Variants in NEGR1 observed in about 807,000 individuals in gnomAD.
NEGR1 encodes the protein IgLON family member 4.
In NEGR1, 10 loss-of-function variants were observed where a neutral mutation model predicts 40.9. That is an observed-to-expected ratio of 0.24 (90% confidence interval 0.15 to 0.42). The LOEUF (loss-of-function observed/expected upper bound fraction) is 0.42. Ranked by LOEUF, NEGR1 falls within the 10% of genes least tolerant of loss-of-function variation. The probability of loss-of-function intolerance (pLI) is 1.00; values close to 1 mark genes in which losing one functional copy is unlikely to be tolerated. For synonymous variants in NEGR1, 185 were observed against 166.8 expected (o/e 1.11, Z -0.84); for missense variants, 352 against 438.9 (o/e 0.80, Z 1.77).
chr1:71,810,565 A>G (rs1039866239), intron 2 of NEGR1, among the ~76,000 whole-genome samples: 31 of 152,118 alleles, frequency 2.0e-4, no homozygotes, highest in African/African-American at 7.0e-4. Context: ...AAATTTATTG[A>G]TATGGTTTGG....
intron 2 of NEGR1, among the ~76,000 whole-genome samples, chr1:71,800,338 G>A (rs1047174766): frequency 2.0e-5 from 3 of 152,082 alleles, no homozygotes; most frequent in South Asian, 2.1e-4. Flanking sequence ...CTGTACAGAA[G>A]CTCTTTAGTT....
chr1:72,065,624 G>A (rs1647253391), intron 1 of NEGR1, among the ~76,000 whole-genome samples: 1 of 152,076 alleles, frequency 6.6e-6, no homozygotes. Flanking sequence ...CCACTGTTCT[G>A]TTAAGGTTGA....
intron 3 of NEGR1, among the ~76,000 whole-genome samples, chr1:71,774,021 AC>A: frequency 6.6e-6 from 1 of 152,330 alleles, no homozygotes; most frequent in Middle Eastern, 3.4e-3. Context: ...AAATTATATT[AC>A]CATATCAGAT....
chr1:72,139,432 C>A (rs1054576812), intron 1 of NEGR1, among the ~76,000 whole-genome samples: 1 of 151,750 alleles, frequency 6.6e-6, no homozygotes. Context: ...AATATTTGAT[C>A]ATTATCAAGA....
chr1:72,232,218 G>T (rs148713613), intron 1 of NEGR1, among the ~76,000 whole-genome samples: 1 of 151,870 alleles, frequency 6.6e-6, no homozygotes, highest in Non-Finnish European at 1.5e-5. Context: ...TTATCTGGGC[G>T]TGGTGGTGCG....
chr1:72,137,320 C>T (rs1650504063), intron 1 of NEGR1, among the ~76,000 whole-genome samples: 1 of 151,970 alleles, frequency 6.6e-6, no homozygotes, highest in Non-Finnish European at 1.5e-5. Context: ...GCACTGTTCA[C>T]AATAGAAAAG....
chr1:71,672,859 A>G lies in NEGR1; in HGVS notation c.667+25149T>C, dbSNP rs1383023001. Reference sequence around the variant, plus strand: ...TGAGAGTATGTTAAATTGGGAATTAATGGAATCCAGCACACAACACCTAAC... The same window carrying G: ...TGAGAGTATGTTAAATTGGGAATTAGTGGAATCCAGCACACAACACCTAAC... On this transcript the variant is annotated intron_variant, in intron 4 of 6. Transcript: ENST00000357731. Among the ~76,000 whole-genome samples, 3 of 152,322 alleles carry G rather than the reference A, an allele frequency of 2.0e-5. No individual in the cohort carries two copies. The East Asian group carries it at 5.8e-4, about 29-fold the overall frequency.
rs1401444751 is a variant in NEGR1, at chr1:71,917,767, G to A, written c.409+17312C>T. Among the ~76,000 whole-genome samples the A allele has an allele frequency of 6.5e-5, 9 of 138,724 alleles. No individual in the cohort carries two copies. The Admixed American group carries it at 6.6e-4, about 10-fold the overall frequency. The allele number at this position is 138,724 out of a possible 152,430, so 91.0% of individuals were successfully genotyped here. A position where few individuals can be genotyped will look rare whatever the true frequency, so the allele number is the denominator to read the frequency against. On this transcript the variant is annotated intron_variant, in intron 2 of 6. Transcript: ENST00000357731. Reference sequence around the variant, plus strand: ...TGCACTCCAGCCTGGGCGACAGAGCGAGACTCCGTCTTAAAAAAAAAAAAA... The same window carrying A: ...TGCACTCCAGCCTGGGCGACAGAGCAAGACTCCGTCTTAAAAAAAAAAAAA...
intron 1 of NEGR1, among the ~76,000 whole-genome samples, chr1:72,130,450 C>T (rs900541533): frequency 3.3e-5 from 5 of 152,168 alleles, no homozygotes; most frequent in African/African-American, 4.8e-5. Context: ...ACTTTTCTTA[C>T]GTCTGTCATG....
intron 1 of NEGR1, among the ~76,000 whole-genome samples, chr1:72,074,150 AT>A (rs1647611138): frequency 6.6e-6 from 1 of 152,056 alleles, no homozygotes; most frequent in South Asian, 2.1e-4. Flanking sequence ...ATGTCTTATA[AT>A]AGATGACATC....
At chr1:71,724,748 G>A (rs957256631) in intron 3 of NEGR1, among the ~76,000 whole-genome samples, 1 of 152,100 alleles carries the variant, frequency 6.6e-6, no homozygotes, top group Non-Finnish European at 1.5e-5. Context: ...CATCTTTTGT[G>A]TAATTCTCCA....
chr1:71,663,973 G>A (rs963118751), intron 4 of NEGR1, among the ~76,000 whole-genome samples: 1 of 152,118 alleles, frequency 6.6e-6, no homozygotes, highest in African/African-American at 2.4e-5. Context: ...ATTTTAGAAT[G>A]CATGAAGGTA....
intron 6 of NEGR1, among the ~76,000 whole-genome samples, chr1:71,541,797 C>T (rs974992417): frequency 1.5e-4 from 23 of 151,840 alleles, no homozygotes; most frequent in Admixed American, 9.8e-4. Flanking sequence ...ACTATTGGCT[C>T]AGTTAAGAAA....
intron 1 of NEGR1, among the ~76,000 whole-genome samples, chr1:72,122,011 G>A (rs80031199): frequency 3.3e-3 from 507 of 151,718 alleles, no homozygotes; most frequent in African/African-American, 0.011. Context: ...ACTAAATACC[G>A]ATTGTTTCCC....
intron 4 of NEGR1, among the ~76,000 whole-genome samples, chr1:71,645,461 T>C (rs1262141548): frequency 6.6e-6 from 1 of 151,888 alleles, no homozygotes; most frequent in Non-Finnish European, 1.5e-5. Context: ...CATTTGTTCA[T>C]ATAATATAGT....
intron 1 of NEGR1, among the ~76,000 whole-genome samples, chr1:71,952,037 T>A (rs1421775229): frequency 6.6e-6 from 1 of 151,886 alleles, no homozygotes; most frequent in Non-Finnish European, 1.5e-5. Flanking sequence ...TCCTTGGGCC[T>A]TTCTATTCCC....
At chr1:72,044,567 C>T (rs1383139492) in intron 1 of NEGR1, among the ~76,000 whole-genome samples, 1 of 151,594 alleles carries the variant, frequency 6.6e-6, no homozygotes, top group African/African-American at 2.4e-5. Flanking sequence ...ATGCTAAGCA[C>T]AATTAGATTG....
intron 6 of NEGR1, among the ~76,000 whole-genome samples, chr1:71,471,158 G>A (rs560730734): frequency 3.3e-5 from 5 of 152,052 alleles, no homozygotes; most frequent in South Asian, 2.1e-4. Flanking sequence ...CTTTATTAAC[G>A]TAAGAAGACT....
At chr1:71,565,591 T>C (rs1648593228) in intron 6 of NEGR1, among the ~76,000 whole-genome samples, 1 of 152,138 alleles carries the variant, frequency 6.6e-6, no homozygotes, top group South Asian at 2.1e-4. Flanking sequence ...GACAAAAACC[T>C]GCAGAGAGTG....
Sources: allele counts gnomAD v4.1 joint callset (sites outside exome capture counted in the v4.1 genomes callset), GRCh38; gene constraint gnomAD v4.1.1; transcripts MANE v1.5; gene names NCBI Gene and HGNC (gene_info 2026-07-23, HGNC 2026-07-21).